Variants in GGTA1 observed in about 807,000 individuals in gnomAD.
GGTA1 encodes inactive N-acetyllactosaminide alpha-1,3-galactosyltransferase.
GGTA1 carries 5 observed loss-of-function variants against 2.6 expected under a neutral mutation model. The ratio of observed to expected loss-of-function variants is 1.92; its 90% confidence interval spans 1.00 to 4.04. The LOEUF (loss-of-function observed/expected upper bound fraction) is 4.04, where lower values mean the gene tolerates loss of function less well. Ranked by LOEUF, GGTA1 falls within the 30% of genes most tolerant of loss-of-function variation. The pLI, the probability that GGTA1 is intolerant of heterozygous loss-of-function variation, is 0.00. For synonymous variants in GGTA1, 17 were observed against 5.0 expected (o/e 3.38, Z -3.19); for missense variants, 50 against 16.7 (o/e 2.99, Z -3.47).
intron 5 of GGTA1, among the ~76,000 whole-genome samples, chr9:121,459,687 C>T (rs1040038376): frequency 1.3e-5 from 2 of 152,154 alleles, no homozygotes; most frequent in Admixed American, 6.5e-5. Flanking sequence ...CCATCACCCA[C>T]CAGTCTCTCA....
chr9:121,465,026 C>A lies in GGTA1; in HGVS notation c.81-1698G>T, dbSNP rs1056805412. Reference sequence around the variant, plus strand: ...CAAACAAAAAAAAAAAAACAAAAAACAACTCCTCCCCTTGAAGTTTTTTGC... The same window carrying A: ...CAAACAAAAAAAAAAAAACAAAAAAAAACTCCTCCCCTTGAAGTTTTTTGC... On this transcript the variant is annotated intron_variant, in intron 2 of 5. Transcript: ENST00000481799. 7.0e-3 allele frequency among the ~76,000 whole-genome samples: 855 copies of A among 122,362 alleles called. 2 individuals carry two copies. Among genetic ancestry groups the A allele is most frequent in the Non-Finnish European group, 0.011 (552 of 52,382 alleles). The allele number at this position is 122,362 out of a possible 152,430, so 80.3% of individuals were successfully genotyped here.
chr9:121,460,575 T>C (rs554895421), intron 4 of GGTA1, among the ~76,000 whole-genome samples: 2 of 152,266 alleles, frequency 1.3e-5, no homozygotes, highest in South Asian at 4.1e-4. Context: ...AGGCCAGGCA[T>C]GGTGGATCAC....
chr9:121,480,299 G>A (rs1398175390), intron 1 of GGTA1, among the ~76,000 whole-genome samples: 8 of 151,836 alleles, frequency 5.3e-5, no homozygotes, highest in African/African-American at 1.7e-4. Context: ...CTCGTGATCC[G>A]CCCGCCTCAG....
At chr9:121,450,336 G>A (rs542643558), downstream of GGTA1, among the ~76,000 whole-genome samples, 3 of 151,952 alleles carry the variant, frequency 2.0e-5, no homozygotes, top group African/African-American at 4.8e-5. Context: ...GTGGGGTGGC[G>A]GGGGGGTGGT....
intron 1 of GGTA1, among the ~76,000 whole-genome samples, chr9:121,490,218 T>C (rs966036416): frequency 6.6e-6 from 1 of 152,218 alleles, no homozygotes; most frequent in African/African-American, 2.4e-5. Context: ...AGCCATTCAA[T>C]AGTACCGCAT....
At chr9:121,480,415 T>C (rs962323617) in intron 1 of GGTA1, among the ~76,000 whole-genome samples, 8 of 152,194 alleles carry the variant, frequency 5.3e-5, no homozygotes, top group Admixed American at 6.5e-5. Flanking sequence ...AACAAAATCA[T>C]TCTCAGAATC....
chr9:121,471,821 C>T (rs1828396027), intron 1 of GGTA1, among the ~76,000 whole-genome samples: 1 of 152,188 alleles, frequency 6.6e-6, no homozygotes, highest in African/African-American at 2.4e-5. Context: ...CAACTCATCC[C>T]CCACTGCTGA....
At chr9:121,491,704 G>A (rs1305386420) in intron 1 of GGTA1, among the ~76,000 whole-genome samples, 1 of 151,988 alleles carries the variant, frequency 6.6e-6, no homozygotes. Context: ...CTGCCTCTTG[G>A]GTTCAAGTGA....
At chr9:121,450,336 G>T (rs542643558), downstream of GGTA1, among the ~76,000 whole-genome samples, 4 of 151,834 alleles carry the variant, frequency 2.6e-5, no homozygotes, top group Non-Finnish European at 5.9e-5. Context: ...GTGGGGTGGC[G>T]GGGGGGTGGT....
chr9:121,469,890 C>T (rs1047270938), intron 1 of GGTA1, among the ~76,000 whole-genome samples: 1 of 152,168 alleles, frequency 6.6e-6, no homozygotes, highest in African/African-American at 2.4e-5. Flanking sequence ...TCCCTACAGC[C>T]TAAAGCCCTC....
intron 3 of GGTA1, among the ~76,000 whole-genome samples, chr9:121,462,418 C>T (rs527894739): frequency 1.3e-5 from 2 of 152,214 alleles, no homozygotes; most frequent in African/African-American, 2.4e-5. Context: ...TGGACAAATA[C>T]GGTGGTGAGC....
Position 121,460,126 on chromosome 9 carries a change from G to A in GGTA1, c.276C>T (p.Gly92=), listed in dbSNP as rs1164035917. 3 of 456,672 alleles carry A rather than the reference G, an allele frequency of 6.6e-6. No individual in the cohort carries two copies. Among genetic ancestry groups the A allele is most frequent in the Non-Finnish European group, 1.3e-5 (3 of 227,000 alleles). The allele number at this position is 456,672 out of a possible 1,614,324, so 28.3% of individuals were successfully genotyped here. ...TACTTTGGATTAAACCAGTCCCATA[G>A]CCGAAGCTCTGTTGTGTCATTTTCC... ...KGRKMTQQSF[G]YGTGLIQT is the part of the protein sequence containing the mutation. The change falls in exon 5 of 6, where the codon GGC becomes GGT. Residue 92 remains glycine (G), a synonymous_variant. Coordinates refer to ENST00000481799, the MANE Select transcript of GGTA1 (RefSeq NM_001382585.1).
chr9:121,474,382 C>A (rs1473163595), intron 1 of GGTA1, among the ~76,000 whole-genome samples: 1 of 152,226 alleles, frequency 6.6e-6, no homozygotes, highest in Non-Finnish European at 1.5e-5. Context: ...ATTCCTGGAA[C>A]GTGTGCAGAT....
chr9:121,473,319 C>CAAAAAAAAAAAA (rs10712323), intron 1 of GGTA1, among the ~76,000 whole-genome samples: 1 of 96,412 alleles, frequency 1.0e-5, no homozygotes, highest in African/African-American at 4.1e-5. Context: ...GACTCCATCT[C>CAAAAAAAAAAAA]AAAAAAAAAA....
chr9:121,471,147 G>A (rs564721400), intron 1 of GGTA1, among the ~76,000 whole-genome samples: 19 of 152,228 alleles, frequency 1.2e-4, no homozygotes, highest in Non-Finnish European at 2.2e-4. Context: ...GTGGACCTCT[G>A]GAAGCTAAGA....
At chr9:121,464,625 A>AAAAAC (rs143835214) in intron 2 of GGTA1, among the ~76,000 whole-genome samples, 2 of 151,404 alleles carry the variant, frequency 1.3e-5, no homozygotes, top group Non-Finnish European at 2.9e-5. Flanking sequence ...AAACAAAAAC[A>AAAAAC]AAAACAAAAC....
chr9:121,494,048 C>T (rs1365265172), intron 1 of GGTA1, among the ~76,000 whole-genome samples: 24 of 152,148 alleles, frequency 1.6e-4, no homozygotes, highest in Admixed American at 1.5e-3. Flanking sequence ...TGAACCACCG[C>T]ACCCAGCCGC....
At chr9:121,447,766 A>ATTT (rs2064858895) in intron 7 of GGTA1, among the ~76,000 whole-genome samples, 1 of 152,008 alleles carries the variant, frequency 6.6e-6, no homozygotes, top group African/African-American at 2.4e-5. Context: ...TTAGTAGGAG[A>ATTT]ATGATTTCTC....
chr9:121,487,829 C>T (rs1010747730), intron 1 of GGTA1, among the ~76,000 whole-genome samples: 2 of 151,720 alleles, frequency 1.3e-5, no homozygotes, highest in Admixed American at 1.3e-4. Flanking sequence ...GATTCTCCTG[C>T]CTCAGCCTCC....
Sources: gnomAD v4.1 joint callset for allele counts (sites outside exome capture counted in the v4.1 genomes callset) on GRCh38, gnomAD v4.1.1 for gene constraint, MANE v1.5 for transcripts, NCBI Gene and HGNC (gene_info 2026-07-23, HGNC 2026-07-21) for gene names.